POU2F2: variants seen among roughly 807,000 people sequenced by gnomAD.
POU2F2 encodes the protein POU domain, class 2, transcription factor 2.
Under a neutral mutation model 63.5 loss-of-function variants are expected in POU2F2, and 14 were observed. The ratio of observed to expected loss-of-function variants is 0.22; its 90% CI spans 0.15 to 0.34. The LOEUF (loss-of-function observed/expected upper bound fraction) is 0.34. Ranked by LOEUF, POU2F2 falls within the 10% of genes least tolerant of loss-of-function variation. POU2F2 has a pLI of 1.00. For synonymous variants in POU2F2, 306 were observed against 348.6 expected, an observed-to-expected ratio of 0.88 and a Z score of 1.36; for missense variants, 607 against 815.2, an observed-to-expected ratio of 0.74 and a Z score of 3.11.
At chr19:42,185,035 T>C (rs1049480879) in intron 1 of POU2F2, among the ~76,000 whole-genome samples, 10 of 152,100 alleles carry the variant, frequency 6.6e-5, no homozygotes, top group African/African-American at 9.7e-5. Flanking sequence ...GTCAGAAAAA[T>C]TGTCCCTGTC....
At position 42,117,119 on chromosome 19, in the gene POU2F2, G is replaced by T. The variant is rs1045671969; in HGVS notation, c.369+131C>A. On this transcript the variant is annotated intron_variant, in intron 5 of 14. Coordinates refer to ENST00000692977, the MANE Select transcript of POU2F2 (RefSeq NM_001394376.1). The surrounding 1 kb of genome is among the most constrained non-coding windows in gnomAD (Gnocchi z 4.4). Reference sequence around the variant, plus strand: ...AGTAAGGGGACAAGACCTCCTAGAGGACAGAAGAGGGCAAGAGGCAGGTGT... The same window carrying T: ...AGTAAGGGGACAAGACCTCCTAGAGTACAGAAGAGGGCAAGAGGCAGGTGT... 2 of 777,508 alleles carry T rather than the reference G, an allele frequency of 2.6e-6. No homozygotes were observed. Among genetic ancestry groups the T allele is most frequent in the Admixed American group, 2.5e-5 (1 of 40,384 alleles). 48.2% of individuals were successfully genotyped at this position (777,508 alleles called of 1,614,324 possible).
Position 42,090,111 on chromosome 19 carries a change from C to T in POU2F2, c.*1146G>A, listed in dbSNP as rs1293275576. On this transcript the variant is annotated 3_prime_UTR_variant, in exon 15 of 15. Coordinates refer to ENST00000692977, the MANE Select transcript of POU2F2 (RefSeq NM_001394376.1). This position sits in a 1 kb window ranked among gnomAD's most constrained non-coding sequence, Gnocchi z 4.4. ...GAGGCATTCGCCAGTACCAGAGGGG[C>T]ACAGGGTGGGAAAAGCGAGGTGAGT... 1 of 152,290 alleles carries T rather than the reference C, an allele frequency of 6.6e-6. No homozygotes were observed. Among genetic ancestry groups the T allele is most frequent in the Non-Finnish European group, 1.5e-5 (1 of 67,998 alleles). 9.4% of individuals were successfully genotyped at this position (152,290 alleles called of 1,614,324 possible). A position where few individuals can be genotyped will look rare whatever the true frequency, so the allele number is the denominator to read the frequency against.
chr19:42,103,086 T>C (rs1316778739), intron 5 of POU2F2, among the ~76,000 whole-genome samples: 1 of 151,960 alleles, frequency 6.6e-6, no homozygotes, highest in Admixed American at 6.6e-5. Context: ...ATACATGCCG[T>C]TCCCTCTCCT....
At chr19:42,167,266 C>T (rs1180302125) in intron 1 of POU2F2, among the ~76,000 whole-genome samples, 2 of 152,054 alleles carry the variant, frequency 1.3e-5, no homozygotes, top group East Asian at 3.9e-4. Flanking sequence ...ACCAGCCTGG[C>T]CAACATCATG....
At chr19:42,118,117 G>A (rs2032159396) in intron 4 of POU2F2, among the ~76,000 whole-genome samples, 2 of 152,086 alleles carry the variant, frequency 1.3e-5, no homozygotes, top group Non-Finnish European at 2.9e-5. Flanking sequence ...TAGAGACAGG[G>A]TATCACTATG....
chr19:42,105,999 T>TTTTCTTTCTTTCTTTCTTTC (rs56400477), intron 5 of POU2F2, among the ~76,000 whole-genome samples: 111 of 132,324 alleles, frequency 8.4e-4, no homozygotes, highest in East Asian at 2.0e-3. Context: ...GATCTTTCTT[T>TTTTCTTTCTTTCTTTCTTTC]TTTCTTTCTT....
chr19:42,097,192 GTTTT>G (rs778449653), intron 7 of POU2F2, among the ~76,000 whole-genome samples: 1 of 117,750 alleles, frequency 8.5e-6, no homozygotes, highest in Non-Finnish European at 1.8e-5. Flanking sequence ...GAATTTTTCA[GTTTT>G]TTTTTTTTTT....
At chr19:42,109,783 T>A (rs531327844) in intron 5 of POU2F2, among the ~76,000 whole-genome samples, 6 of 152,274 alleles carry the variant, frequency 3.9e-5, no homozygotes, top group African/African-American at 1.4e-4. Context: ...GGGATTACAC[T>A]GCGCCACTGT....
intron 1 of POU2F2, among the ~76,000 whole-genome samples, chr19:42,168,700 T>A (rs1312894418): frequency 2.6e-5 from 4 of 152,152 alleles, no homozygotes; most frequent in Admixed American, 6.5e-5. Context: ...GAGGGAAAAG[T>A]GCGGCATAGT....
chr19:42,115,105 C>G (rs2031673552), intron 5 of POU2F2, among the ~76,000 whole-genome samples: 1 of 152,034 alleles, frequency 6.6e-6, no homozygotes, highest in African/African-American at 2.4e-5. Flanking sequence ...GAGCCATAAT[C>G]CGCCACTGCA....
At position 42,092,406 on chromosome 19, in the gene POU2F2, T is replaced by C; in HGVS notation, c.1265-136A>G. The C allele has an allele frequency of 1.4e-6, 1 of 701,674 alleles. No individual in the cohort carries two copies. The allele number at this position is 701,674 out of a possible 1,614,324, so 43.5% of individuals were successfully genotyped here. ...CAGTCAGAACAGCCTTAGACCTCCCTGCCCTCTCTTCCCAGAGTCATTTCC... is the reference window on the plus strand; with the variant it reads ...CAGTCAGAACAGCCTTAGACCTCCCCGCCCTCTCTTCCCAGAGTCATTTCC... On this transcript the variant is annotated intron_variant, in intron 12 of 14. Transcript: ENST00000692977. This position sits in a 1 kb window ranked among gnomAD's most constrained non-coding sequence, Gnocchi z 5.0.
chr19:42,184,256 T>A (rs987326870), intron 1 of POU2F2, among the ~76,000 whole-genome samples: 2 of 152,128 alleles, frequency 1.3e-5, no homozygotes, highest in Non-Finnish European at 2.9e-5. Flanking sequence ...TCTCCCAAAG[T>A]GCCAAGATTA....
chr19:42,185,651 C>G (rs1568427840), intron 1 of POU2F2, among the ~76,000 whole-genome samples: 1 of 152,126 alleles, frequency 6.6e-6, no homozygotes, highest in East Asian at 1.9e-4. Context: ...TATTTGACTC[C>G]AAGAACCAAC....
upstream of POU2F2, chr19:42,134,716 G>C (rs760389038): frequency 6.6e-6 from 1 of 152,578 alleles, no homozygotes; most frequent in African/African-American, 2.4e-5. Context: ...GTACAGGGGA[G>C]GCCAGGCTGG....
chr19:42,104,650 C>CA (rs1440907995), intron 5 of POU2F2, among the ~76,000 whole-genome samples: 1 of 151,764 alleles, frequency 6.6e-6, no homozygotes, highest in Non-Finnish European at 1.5e-5. Flanking sequence ...GTGTCACACA[C>CA]AAAAAAAGAG....
chr19:42,159,677 G>T (rs948252596), intron 2 of POU2F2, among the ~76,000 whole-genome samples: 2 of 152,220 alleles, frequency 1.3e-5, no homozygotes, highest in Admixed American at 1.3e-4. Flanking sequence ...GGGAGTCTCA[G>T]TGGGCTTCAG....
chr19:42,095,702 C>CGG lies in POU2F2; in HGVS notation c.872-11_872-10dup. Reference sequence around the variant, plus strand: ...GTCCACAGACATAGTCTCTGTGCGCCGGGGGAGACGTGAGCATGAGAAGGG... The same window carrying CGG: ...GTCCACAGACATAGTCTCTGTGCGCCGGGGGGGAGACGTGAGCATGAGAAGGG... On this transcript the variant is annotated splice_polypyrimidine_tract_variant and intron_variant, in intron 9 of 14. Coordinates refer to ENST00000692977, the MANE Select transcript of POU2F2 (RefSeq NM_001394376.1). This position sits in a 1 kb window ranked among gnomAD's most constrained non-coding sequence, Gnocchi z 7.1. The CGG allele has an allele frequency of 6.2e-7, 1 of 1,611,332 alleles. No individual in the cohort carries two copies. Among genetic ancestry groups the CGG allele is most frequent in the Non-Finnish European group, 8.5e-7 (1 of 1,179,798 alleles).
intron 5 of POU2F2, among the ~76,000 whole-genome samples, chr19:42,105,938 A>T (rs1380403686): frequency 6.6e-6 from 1 of 151,932 alleles, no homozygotes; most frequent in Non-Finnish European, 1.5e-5. Flanking sequence ...AAAAAAAAAA[A>T]ACCTATTGCC....
At chr19:42,142,494 C>T (rs545532407) in intron 2 of POU2F2, among the ~76,000 whole-genome samples, 2 of 151,278 alleles carry the variant, frequency 1.3e-5, no homozygotes, top group South Asian at 4.2e-4. Flanking sequence ...CCGGCCAGCA[C>T]TTTAGTTTTA....
Sources: gnomAD v4.1 joint callset for allele counts (sites outside exome capture counted in the v4.1 genomes callset) on GRCh38, gnomAD v4.1.1 for gene constraint, Gnocchi (gnomAD v3.1) non-coding constraint, MANE v1.5 for transcripts, NCBI Gene and HGNC (gene_info 2026-07-23, HGNC 2026-07-21) for gene names.